The following CHRNA7 variants were observed in gnomAD, a reference collection of about 807,000 sequenced individuals.
The protein encoded by CHRNA7 is neuronal acetylcholine receptor subunit alpha-7.
In CHRNA7, 17 loss-of-function variants were observed where a neutral mutation model predicts 48.0. The ratio of observed to expected loss-of-function variants is 0.35; its 90% CI spans 0.24 to 0.53. CHRNA7 has a LOEUF of 0.53. CHRNA7 is among the 20% of genes least tolerant of loss of function. The probability of loss-of-function intolerance (pLI) is 0.92; values close to 1 mark genes in which losing one functional copy is unlikely to be tolerated. For synonymous variants in CHRNA7, 75 were observed against 242.3 expected, an observed-to-expected ratio of 0.31 and a Z score of 6.41; for missense variants, 155 against 577.7, an observed-to-expected ratio of 0.27 and a Z score of 7.50.
At chr15:32,104,315 G>A (rs2050624699) in intron 3 of CHRNA7, among the ~76,000 whole-genome samples, 3 of 152,050 alleles carry the variant, frequency 2.0e-5, no homozygotes, top group Admixed American at 2.0e-4. Flanking sequence ...TCCCTGCCAG[G>A]AAGACTCGTC....
At chr15:32,142,443 T>G (rs1489989015) in intron 4 of CHRNA7, among the ~76,000 whole-genome samples, 1 of 152,208 alleles carries the variant, frequency 6.6e-6, no homozygotes, top group Non-Finnish European at 1.5e-5. Flanking sequence ...ATAAAATGAG[T>G]TAGGGAGGAT....
chr15:32,114,061 CATATATATATAT>C (rs35944403), intron 4 of CHRNA7, among the ~76,000 whole-genome samples: 1 of 120,226 alleles, frequency 8.3e-6, no homozygotes, highest in African/African-American at 3.3e-5. Flanking sequence ...TATATATATA[CATATATATATAT>C]ATACACATAC....
chr15:32,115,602 G>A (rs1213389294), intron 4 of CHRNA7, among the ~76,000 whole-genome samples: 1 of 152,018 alleles, frequency 6.6e-6, no homozygotes, highest in Non-Finnish European at 1.5e-5. Flanking sequence ...GCGGGGCGAG[G>A]AATGCCCACC....
chr15:32,114,038 A>ATGTG (rs780193606), intron 4 of CHRNA7, among the ~76,000 whole-genome samples: 21 of 82,340 alleles, frequency 2.6e-4, no homozygotes, highest in Non-Finnish European at 3.2e-4. Context: ...ATATATATAT[A>ATGTG]TATATGTATA....
At chr15:32,087,150 T>G (rs1197811297) in intron 2 of CHRNA7, among the ~76,000 whole-genome samples, 1 of 152,204 alleles carries the variant, frequency 6.6e-6, no homozygotes, top group Non-Finnish European at 1.5e-5. Flanking sequence ...CCCCATTTAT[T>G]TATTTAATCA....
chr15:32,056,837 A>T (rs1378054707), intron 2 of CHRNA7, among the ~76,000 whole-genome samples: 1 of 152,164 alleles, frequency 6.6e-6, no homozygotes, highest in Non-Finnish European at 1.5e-5. Flanking sequence ...TTCAGTATGG[A>T]TGTTCTTATT....
rs1225602234 is a variant in CHRNA7, at chr15:32,149,044, C to G, written c.351-4863C>G. On this transcript the variant is annotated intron_variant, in intron 4 of 9. Coordinates refer to ENST00000306901, the MANE Select transcript of CHRNA7 (RefSeq NM_000746.6). The surrounding 1 kb of genome is among the most constrained non-coding windows in gnomAD (Gnocchi z 4.6). ...GGTAGGGCTCAGAGCTCTCCTCACACCAAGAGTGGGCCCCAGTCATTGCTG... is the reference window on the plus strand; with the variant it reads ...GGTAGGGCTCAGAGCTCTCCTCACAGCAAGAGTGGGCCCCAGTCATTGCTG... 1.3e-5 allele frequency among the ~76,000 whole-genome samples: 2 copies of G among 152,200 alleles called. No homozygotes were observed. Among genetic ancestry groups the G allele is most frequent in the Non-Finnish European group, 2.9e-5 (2 of 68,030 alleles).
intron 2 of CHRNA7, among the ~76,000 whole-genome samples, chr15:32,039,827 A>G (rs1382038959): frequency 1.3e-5 from 2 of 152,040 alleles, no homozygotes; most frequent in Admixed American, 6.6e-5. Flanking sequence ...TGGTTCTTCA[A>G]ATTTCTGGTA....
Position 32,135,276 on chromosome 15 carries a change from A to G in CHRNA7, c.351-18631A>G, listed in dbSNP as rs1454604672. On this transcript the variant is annotated intron_variant, in intron 4 of 9. Transcript: ENST00000306901. Reference sequence around the variant, plus strand: ...TTATTTTCAGAAAACAGGTAAAGTTATGGCTCACATACAGATATAAAAATG... The same window carrying G: ...TTATTTTCAGAAAACAGGTAAAGTTGTGGCTCACATACAGATATAAAAATG... Among the ~76,000 whole-genome samples the G allele has an allele frequency of 3.9e-5, 6 of 152,254 alleles. No individual in the cohort carries two copies. In the South Asian group the frequency reaches 1.2e-3, roughly 31 times the overall value.
At chr15:32,091,873 A>G (rs1042867098) in intron 2 of CHRNA7, among the ~76,000 whole-genome samples, 1 of 152,194 alleles carries the variant, frequency 6.6e-6, no homozygotes, top group African/African-American at 2.4e-5. Flanking sequence ...TTGTGAGCCA[A>G]AATCAGCATT....
chr15:32,141,516 A>G (rs1382184567), intron 4 of CHRNA7, among the ~76,000 whole-genome samples: 4 of 152,224 alleles, frequency 2.6e-5, no homozygotes, highest in African/African-American at 9.6e-5. Context: ...CTTGAGCAGT[A>G]TGGCCATTTT....
intron 2 of CHRNA7, among the ~76,000 whole-genome samples, chr15:32,074,389 G>A (rs2050103923): frequency 6.8e-6 from 1 of 146,366 alleles, no homozygotes; most frequent in Non-Finnish European, 1.5e-5. Flanking sequence ...TTTAGCCAGT[G>A]CAATAAGTTC....
rs150822002 is a variant in CHRNA7, at chr15:32,062,013, G to T, written c.195+30976G>T. Reference sequence around the variant, plus strand: ...TTAACATTTTGGTAATATAACTCTTGCCCATAGTTTAAAAGCTGAGATAAT... The same window carrying T: ...TTAACATTTTGGTAATATAACTCTTTCCCATAGTTTAAAAGCTGAGATAAT... On this transcript the variant is annotated intron_variant, in intron 2 of 9. Transcript: ENST00000306901. Among the ~76,000 whole-genome samples, 176 of 152,164 alleles carry T rather than the reference G, an allele frequency of 1.2e-3. 1 individual carries two copies. Among genetic ancestry groups the T allele is most frequent in the African/African-American group, 4.1e-3 (170 of 41,512 alleles).
intron 2 of CHRNA7, among the ~76,000 whole-genome samples, chr15:32,069,499 T>G (rs1460740096): frequency 6.6e-6 from 1 of 151,572 alleles, no homozygotes; most frequent in Non-Finnish European, 1.5e-5. Flanking sequence ...ATTTAAAAAT[T>G]AGCTGGGTGC....
chr15:32,032,934 A>G (rs1236934505), intron 2 of CHRNA7, among the ~76,000 whole-genome samples: 1 of 152,176 alleles, frequency 6.6e-6, no homozygotes, highest in Non-Finnish European at 1.5e-5. Context: ...GTCTTAGGAG[A>G]AGTTTAGGCA....
chr15:32,100,043 GT>G (rs961347015), intron 2 of CHRNA7: 26 of 152,194 alleles, frequency 1.7e-4, no homozygotes, highest in African/African-American at 6.3e-4. Flanking sequence ...TGCCCAACAT[GT>G]GAGCAACTGG....
chr15:32,035,274 C>T (rs1475484826), intron 2 of CHRNA7, among the ~76,000 whole-genome samples: 1 of 152,132 alleles, frequency 6.6e-6, no homozygotes, highest in South Asian at 2.1e-4. Context: ...TTTATTTGTG[C>T]TGTTTAGTCA....
chr15:32,064,886 G>T (rs758604413), intron 2 of CHRNA7, among the ~76,000 whole-genome samples: 16 of 152,098 alleles, frequency 1.1e-4, no homozygotes, highest in Non-Finnish European at 2.1e-4. Context: ...GCCAAGAGAG[G>T]CAGTTGCCAC....
At chr15:32,056,439 T>A (rs1284586638) in intron 2 of CHRNA7, among the ~76,000 whole-genome samples, 1 of 152,148 alleles carries the variant, frequency 6.6e-6, no homozygotes, top group Non-Finnish European at 1.5e-5. Context: ...TGTGAAAGGG[T>A]TGTTAGTGGA....
Sources: gnomAD v4.1 joint callset for allele counts (sites outside exome capture counted in the v4.1 genomes callset) on GRCh38, gnomAD v4.1.1 for gene constraint, Gnocchi (gnomAD v3.1) non-coding constraint, MANE v1.5 for transcripts, NCBI Gene and HGNC (gene_info 2026-07-23, HGNC 2026-07-21) for gene names.